Variants in A2ML1 observed in about 807,000 individuals in gnomAD.
A2ML1 encodes alpha-2-macroglobulin like 1.
In A2ML1, 161 loss-of-function variants were observed where a neutral mutation model predicts 181.9. The ratio of observed to expected loss-of-function variants is 0.89; its 90% CI spans 0.78 to 1.01. A2ML1 has a LOEUF of 1.01. A2ML1 is among the 50% of genes least tolerant of loss of function. The pLI, the probability that A2ML1 is intolerant of heterozygous loss-of-function variation, is 0.00. For synonymous variants in A2ML1, 663 were observed against 666.8 expected (o/e 0.99, Z 0.09); for missense variants, 1,670 against 1,768.1 (o/e 0.94, Z 1.00).
chr12:8,823,694 C>T, intron 2 of A2ML1, 26 bp from the exon 3 acceptor site: 1 of 1,606,870 alleles, frequency 6.2e-7, no homozygotes, highest in Non-Finnish European at 8.5e-7. Flanking sequence ...CCTTACCCCT[C>T]CCCAGAAGTC....
chr12:8,863,945 C>T lies in A2ML1; in HGVS notation c.3654C>T (p.Ala1218=). The change falls in exon 29 of 36, where the codon GCC becomes GCT. Residue 1218 remains alanine, a synonymous_variant. Transcript: ENST00000299698. ...PSLTQKEIAK[A]TSIVAWLAKQ... ...TGACTCAAAAGGAGATAGCGAAGGC[C>T]ACTAGCATAGTGGCTTGGTTGGCCA... 6.2e-7 allele frequency: 1 copy of T among 1,613,688 alleles called. No homozygotes were observed. Among genetic ancestry groups the T allele is most frequent in the Non-Finnish European group, 8.5e-7 (1 of 1,179,882 alleles).
At chr12:8,865,481 G>T (rs1398292790) in intron 29 of A2ML1, among the ~76,000 whole-genome samples, 1 of 152,244 alleles carries the variant, frequency 6.6e-6, no homozygotes, top group Admixed American at 6.5e-5. Context: ...AGAGGTTGCG[G>T]TGAGCCGAGA....
At chr12:8,829,692 C>T (rs779750575) in intron 3 of A2ML1, 35 bp from the exon 4 acceptor site, 2 of 1,440,704 alleles carry the variant, frequency 1.4e-6, no homozygotes, top group South Asian at 2.4e-5. Context: ...AGCCAGGAAA[C>T]ATCCCCTTTG....
At chr12:8,874,922 G>A in intron 34 of A2ML1, 49 bp from the exon 35 acceptor site, 3 of 1,597,730 alleles carry the variant, frequency 1.9e-6, no homozygotes, top group African/African-American at 1.3e-5. Context: ...TTTTCCCTCT[G>A]AATATAGGAG....
chr12:8,882,851 C>T (rs1240798127), intron 7 of A2ML1, among the ~76,000 whole-genome samples: 11 of 152,020 alleles, frequency 7.2e-5, no homozygotes, highest in Non-Finnish European at 7.4e-5. Flanking sequence ...TGCTTAAAAC[C>T]CTTCAGGGGC....
At chr12:8,868,838 T>TTA (rs1288970951) in intron 32 of A2ML1, among the ~76,000 whole-genome samples, 7 of 151,982 alleles carry the variant, frequency 4.6e-5, no homozygotes, top group Non-Finnish European at 8.8e-5. Context: ...CAGTATGTGA[T>TTA]TATATATATG....
intron 5 of A2ML1, 132 bp downstream of exon 5, chr12:8,834,814 C>T (rs1486922953): frequency 6.6e-6 from 7 of 1,060,444 alleles, no homozygotes; most frequent in Middle Eastern, 2.1e-4. Context: ...CAGCACCGAG[C>T]GCCCACATCC....
intron 26 of A2ML1, 62 bp downstream of exon 26, chr12:8,858,164 C>G (rs996903173): frequency 6.5e-7 from 1 of 1,542,588 alleles, no homozygotes; most frequent in Non-Finnish European, 8.7e-7. Flanking sequence ...CACCTCTGAC[C>G]GAGTAGAAGC....
chr12:8,845,392 T>C (rs1943633164), intron 12 of A2ML1, 50 bp from the exon 13 acceptor site: 3 of 1,598,868 alleles, frequency 1.9e-6, no homozygotes, highest in Non-Finnish European at 2.6e-6. Flanking sequence ...TGGTCCAAGG[T>C]GAAATTACTG....
intron 24 of A2ML1, 50 bp downstream of exon 24, chr12:8,857,390 T>C (rs1277502150): frequency 6.3e-7 from 1 of 1,584,950 alleles, no homozygotes; most frequent in Non-Finnish European, 8.6e-7. Context: ...CACTAGGCCC[T>C]ATGACAGATT....
At chr12:8,843,098 A>T in intron 11 of A2ML1, 36 bp from the exon 12 acceptor site, 2 of 1,584,858 alleles carry the variant, frequency 1.3e-6, no homozygotes, top group Non-Finnish European at 1.7e-6. Flanking sequence ...TGGTTGGAGC[A>T]CATGCTAAAA....
intron 7 of A2ML1, among the ~76,000 whole-genome samples, chr12:8,884,991 C>T (rs1340340073): frequency 1.3e-5 from 2 of 152,170 alleles, no homozygotes; most frequent in African/African-American, 2.4e-5. Flanking sequence ...CATTTGCATG[C>T]ATGTGTCTTT....
intron 12 of A2ML1, chr12:8,844,916 C>A: frequency 8.6e-7 from 1 of 1,163,344 alleles, no homozygotes; most frequent in Non-Finnish European, 1.1e-6. Flanking sequence ...TGAGAGCCTG[C>A]TTGCAAACAA....
Position 8,884,337 on chromosome 12 carries a change from G to A in A2ML1, c.*95-2170G>A, listed in dbSNP as rs746782914. On this transcript the variant is annotated intron_variant and NMD_transcript_variant, in intron 7 of 7. Transcript: ENST00000537475. ...TGTTACATAGGTAAACACGTGTCGC[G>A]GGGGTTGGTTGTACAGATTATTTCA... Among the ~76,000 whole-genome samples, 14 of 150,402 alleles carry A rather than the reference G, an allele frequency of 9.3e-5. No homozygotes were observed. In the East Asian group the frequency reaches 1.2e-3, roughly 13 times the overall value.
chr12:8,842,461 C>A (rs906363463), intron 11 of A2ML1, among the ~76,000 whole-genome samples: 1 of 152,040 alleles, frequency 6.6e-6, no homozygotes, highest in Admixed American at 6.6e-5. Context: ...CCTCGTGATC[C>A]GCCCGCCTTG....
At chr12:8,858,568 C>T (rs191302345) in intron 26 of A2ML1, among the ~76,000 whole-genome samples, 34 of 152,160 alleles carry the variant, frequency 2.2e-4, no homozygotes, top group Non-Finnish European at 4.1e-4. Context: ...CCTGGGTGAC[C>T]GAGTGAGACC....
chr12:8,882,399 A>C lies in A2ML1; in HGVS notation c.*94+1783A>C, dbSNP rs1422806960. On this transcript the variant is annotated intron_variant and NMD_transcript_variant, in intron 7 of 7. Coordinates refer to the A2ML1 transcript ENST00000537475. ...GGAACCAGTATCAGAAAAGAATCCT[A>C]CTTTTTTTTCTTTCTAAGAATCCTA... Among the ~76,000 whole-genome samples the C allele has an allele frequency of 2.0e-5, 3 of 152,184 alleles. No individual in the cohort carries two copies. In the East Asian group the frequency reaches 5.8e-4, roughly 29 times the overall value.
intron 8 of A2ML1, 57 bp downstream of exon 8, chr12:8,837,623 T>C (rs1592114622): frequency 6.5e-7 from 1 of 1,537,364 alleles, no homozygotes; most frequent in Non-Finnish European, 8.8e-7. Context: ...GGCTCACGCC[T>C]GTCATCCCAG....
At chr12:8,868,458 G>GTGTGTA (rs2136961684) in intron 31 of A2ML1, 79 bp from the exon 32 acceptor site, 2 of 1,253,258 alleles carry the variant, frequency 1.6e-6, no homozygotes, top group Non-Finnish European at 2.0e-6. Flanking sequence ...GTGTGTGTAC[G>GTGTGTA]TGTGTGTGTG....
Sources: allele counts gnomAD v4.1 joint callset (sites outside exome capture counted in the v4.1 genomes callset), GRCh38; gene constraint gnomAD v4.1.1; transcripts MANE v1.5; gene names NCBI Gene and HGNC (gene_info 2026-07-23, HGNC 2026-07-21).